The following LGALS9 variants were observed in gnomAD, a reference collection of about 807,000 sequenced individuals.
The protein encoded by LGALS9 is galectin 9, also known as galectin-9.
LGALS9 carries 26 observed loss-of-function variants against 35.9 expected under a neutral mutation model. That is an observed-to-expected ratio of 0.72 (90% CI 0.53 to 1.01). The LOEUF (loss-of-function observed/expected upper bound fraction) is 1.01. Among genes scored for constraint, LGALS9 ranks in the 50% least tolerant of loss-of-function variants. The pLI is 0.00. For synonymous variants in LGALS9, 149 were observed against 172.2 expected, an observed-to-expected ratio of 0.87 and a Z score of 1.06; for missense variants, 347 against 445.8, an observed-to-expected ratio of 0.78 and a Z score of 1.99.
In LGALS9 at chr17:27,649,139, C is replaced by A; in HGVS notation, c.*157C>A. On this transcript the variant is annotated 3_prime_UTR_variant, in exon 11 of 11. Transcript: ENST00000395473. ...GTCTGGTCCTGCTTCTGGCTACAGC[C>A]ACCCTGGAACGGAGAAGGCAGCTGA... The A allele has an allele frequency of 2.5e-6, 3 of 1,203,900 alleles. No homozygotes were observed. Among genetic ancestry groups the A allele is most frequent in the South Asian group, 1.5e-5 (1 of 66,874 alleles). The allele number at this position is 1,203,900 out of a possible 1,614,324, so 74.6% of individuals were successfully genotyped here. A position where few individuals can be genotyped will look rare whatever the true frequency, so the allele number is the denominator to read the frequency against.
intron 4 of LGALS9, 90 bp from the exon 5 acceptor site, chr17:27,643,435 C>T: frequency 6.3e-7 from 1 of 1,579,008 alleles, no homozygotes; most frequent in Non-Finnish European, 8.6e-7. Flanking sequence ...CCTGCCTGGT[C>T]TCTCCCTCTT....
intron 1 of LGALS9, among the ~76,000 whole-genome samples, chr17:27,634,169 C>T (rs752890503): frequency 1.1e-4 from 16 of 152,356 alleles, no homozygotes; most frequent in Admixed American, 3.3e-4. Flanking sequence ...CTGGAGGCCC[C>T]AGGGGAAAAT....
chr17:27,646,059 T>G, intron 7 of LGALS9, 148 bp downstream of exon 7: 1 of 668,846 alleles, frequency 1.5e-6, no homozygotes, highest in Non-Finnish European at 2.6e-6. Context: ...TCAGGTGACA[T>G]GTGGCTAAAG....
chr17:27,632,167 C>A (rs2074399510), intron 1 of LGALS9, among the ~76,000 whole-genome samples: 1 of 151,542 alleles, frequency 6.6e-6, no homozygotes, highest in Non-Finnish European at 1.5e-5. Flanking sequence ...GTCACTGTGT[C>A]CTGGGCCGGC....
chr17:27,635,850 A>C lies in LGALS9; in HGVS notation c.40-2413A>C, dbSNP rs116581357. 1.5e-3 allele frequency among the ~76,000 whole-genome samples: 226 copies of C among 152,356 alleles called. 1 individual carries two copies. The highest frequency in any genetic ancestry group is 5.3e-3 in the African/African-American group (220 of 41,580). ...GAAAAATGTTCCACAGACATGTTTC[A>C]GGGAAAACAGGCTTCCCAATCCTAG... On this transcript the variant is annotated intron_variant, in intron 1 of 10. Coordinates refer to ENST00000395473, the MANE Select transcript of LGALS9 (RefSeq NM_009587.3).
At chr17:27,634,599 A>G (rs1598178450) in intron 1 of LGALS9, among the ~76,000 whole-genome samples, 1 of 152,120 alleles carries the variant, frequency 6.6e-6, no homozygotes, top group East Asian at 1.9e-4. Flanking sequence ...ACCCCCCAAA[A>G]ACGCAAACCA....
At position 27,648,959 on chromosome 17, in the gene LGALS9, C is replaced by A; in HGVS notation, c.1045C>A (p.Gln349Lys). ...INRLEVGGDI[Q>K]LTHVQT ...CAGACTGGAAGTGGGGGGCGACATC[C>A]AGCTGACCCATGTGCAGACATAGGC... The change falls in exon 11 of 11, where the codon CAG becomes AAG. Residue 349 changes from glutamine (Q) to lysine (K), a missense_variant. Coordinates refer to ENST00000395473, the MANE Select transcript of LGALS9 (RefSeq NM_009587.3). 4 of 1,613,974 alleles carry A rather than the reference C, an allele frequency of 2.5e-6. No homozygotes were observed. Among genetic ancestry groups the A allele is most frequent in the Non-Finnish European group, 3.4e-6 (4 of 1,179,856 alleles).
At chr17:27,648,550 G>A (rs1905098570) in intron 10 of LGALS9, among the ~76,000 whole-genome samples, 1 of 152,302 alleles carries the variant, frequency 6.6e-6, no homozygotes, top group South Asian at 2.1e-4. Context: ...CAGGAGCCCA[G>A]GCCCAGAGCA....
At chr17:27,636,479 G>A (rs1419186138) in intron 1 of LGALS9, among the ~76,000 whole-genome samples, 1 of 152,002 alleles carries the variant, frequency 6.6e-6, no homozygotes, top group Non-Finnish European at 1.5e-5. Flanking sequence ...TGGGAATTTG[G>A]GGGGTTTCAA....
At chr17:27,646,028 A>G (rs556961861) in intron 7 of LGALS9, 117 bp downstream of exon 7, 17 of 1,127,708 alleles carry the variant, frequency 1.5e-5, no homozygotes, top group Non-Finnish European at 2.2e-5. Flanking sequence ...GGATGGGGAC[A>G]CTAGGGGCTG....
At chr17:27,637,939 A>G (rs992749470) in intron 1 of LGALS9, among the ~76,000 whole-genome samples, 1 of 151,994 alleles carries the variant, frequency 6.6e-6, no homozygotes, top group African/African-American at 2.4e-5. Context: ...GCCTGGAAGG[A>G]AGGCCTTCTG....
At chr17:27,640,936 T>A in intron 3 of LGALS9, 163 bp downstream of exon 3, 1 of 1,095,360 alleles carries the variant, frequency 9.1e-7, no homozygotes, top group Non-Finnish European at 1.4e-6. Flanking sequence ...CTGCCTAGTC[T>A]CCTTATGCAC....
chr17:27,637,949 G>T (rs1440685960), intron 1 of LGALS9, among the ~76,000 whole-genome samples: 1 of 152,000 alleles, frequency 6.6e-6, no homozygotes, highest in Non-Finnish European at 1.5e-5. Flanking sequence ...AAGGCCTTCT[G>T]CCTGGTGCAT....
At chr17:27,647,671 G>A (rs1905050024) in intron 10 of LGALS9, among the ~76,000 whole-genome samples, 1 of 152,190 alleles carries the variant, frequency 6.6e-6, no homozygotes, top group Admixed American at 6.5e-5. Flanking sequence ...CTTGCTTGTG[G>A]TCACACAGTC....
intron 1 of LGALS9, among the ~76,000 whole-genome samples, chr17:27,633,586 A>G (rs1426155562): frequency 6.6e-6 from 1 of 152,240 alleles, no homozygotes; most frequent in Non-Finnish European, 1.5e-5. Context: ...TTTGGTTCAC[A>G]GGGCTCAGCT....
chr17:27,636,450 A>T (rs1355300693), intron 1 of LGALS9, among the ~76,000 whole-genome samples: 1 of 152,010 alleles, frequency 6.6e-6, no homozygotes, highest in African/African-American at 2.4e-5. Flanking sequence ...CAAATATTTC[A>T]TTTTGTATCT....
Position 27,642,271 on chromosome 17 carries a change from T to G in LGALS9, c.367T>G (p.Phe123Val). Residue 123 changes from phenylalanine (F) to valine (V), a missense_variant, in exon 4 of 11, where the codon TTC becomes GTC. Phe to Val is a conservative substitution (Grantham distance 50). Transcript: ENST00000395473. The stretch of plus-strand genomic sequence containing the variant: ...GAACGGGATCCTCTTCGTGCAGTAC[T>G]TCCACCGCGTGCCCTTCCACCGTGT... The part of the protein sequence containing the change: ...MVNGILFVQY[F>V]HRVPFHRVDT... 1 of 1,612,948 alleles carries G rather than the reference T, an allele frequency of 6.2e-7. No individual in the cohort carries two copies. The highest frequency in any genetic ancestry group is 8.5e-7 in the Non-Finnish European group (1 of 1,179,790).
intron 1 of LGALS9, 109 bp downstream of exon 1, chr17:27,631,413 A>G: frequency 7.1e-7 from 1 of 1,418,364 alleles, no homozygotes; most frequent in Admixed American, 1.9e-5. Flanking sequence ...GGGGCATCCC[A>G]AAGAGAACAC....
intron 4 of LGALS9, among the ~76,000 whole-genome samples, chr17:27,643,022 G>A (rs1233784825): frequency 1.3e-5 from 2 of 152,142 alleles, no homozygotes; most frequent in Non-Finnish European, 2.9e-5. Context: ...GGGCAAAACA[G>A]CAAGACCCTG....
Sources: gnomAD v4.1 joint callset for allele counts (sites outside exome capture counted in the v4.1 genomes callset) on GRCh38, gnomAD v4.1.1 for gene constraint, MANE v1.5 for transcripts, NCBI Gene and HGNC (gene_info 2026-07-23, HGNC 2026-07-21) for gene names.